Variants in EDARADD observed in about 807,000 individuals in gnomAD.
EDARADD encodes the protein ectodysplasin-A receptor-associated adapter protein.
A neutral mutation model predicts 25.6 loss-of-function variants in EDARADD; 20 were observed. That is an observed-to-expected ratio of 0.78 (90% confidence interval 0.55 to 1.14). EDARADD has a LOEUF of 1.14. Among genes scored for constraint, EDARADD ranks in the 50% most tolerant of loss-of-function variants. The pLI, the probability that EDARADD is intolerant of heterozygous loss-of-function variation, is 0.00. For synonymous variants in EDARADD, 86 were observed against 94.4 expected (o/e 0.91, Z 0.52); for missense variants, 225 against 270.1 (o/e 0.83, Z 1.17).
intron 5 of EDARADD, 139 bp from the exon 6 acceptor site, chr1:236,482,128 A>G (rs890788718): frequency 1.3e-4 from 143 of 1,078,958 alleles, no homozygotes; most frequent in African/African-American, 1.8e-4. Flanking sequence ...AAAAAAAAAA[A>G]AAAGAAAGAA....
intron 3 of EDARADD, among the ~76,000 whole-genome samples, chr1:236,378,966 T>TG (rs1281365643): frequency 6.6e-6 from 1 of 151,966 alleles, no homozygotes; most frequent in Non-Finnish European, 1.5e-5. Context: ...GGAGAGGGGA[T>TG]GAGGAGAGAG....
intron 4 of EDARADD, among the ~76,000 whole-genome samples, chr1:236,431,145 G>A (rs1658084195): frequency 6.6e-6 from 1 of 152,098 alleles, no homozygotes; most frequent in South Asian, 2.1e-4. Context: ...TAAAATAAAA[G>A]CAAGCTGGAA....
intron 4 of EDARADD, among the ~76,000 whole-genome samples, chr1:236,461,165 AT>A (rs768312238): frequency 2.2e-4 from 34 of 152,128 alleles, no homozygotes; most frequent in Non-Finnish European, 4.1e-4. Flanking sequence ...TGTGAATCCT[AT>A]TACCATCACA....
rs537589139 is a variant in EDARADD, at chr1:236,397,791, C to T, written c.61+3286C>T. 2.0e-5 allele frequency among the ~76,000 whole-genome samples: 3 copies of T among 152,286 alleles called. No individual in the cohort carries two copies. The South Asian group carries it at 6.2e-4, about 32-fold the overall frequency. ...GATGATCCAAATGTCCATTCCCGCT[C>T]TGGGACTCTATTCTGTCTATAAAAT... On this transcript the variant is annotated intron_variant, in intron 1 of 5. Coordinates refer to ENST00000334232, the MANE Select transcript of EDARADD (RefSeq NM_145861.4).
At chr1:236,381,004 T>A (rs1226612352) in intron 3 of EDARADD, among the ~76,000 whole-genome samples, 1 of 152,206 alleles carries the variant, frequency 6.6e-6, no homozygotes, top group Non-Finnish European at 1.5e-5. Flanking sequence ...ACTATCATCA[T>A]GAGCAAAAGA....
intron 3 of EDARADD, among the ~76,000 whole-genome samples, chr1:236,365,090 G>A (rs1353355505): frequency 1.3e-5 from 2 of 152,006 alleles, no homozygotes; most frequent in African/African-American, 2.4e-5. Flanking sequence ...AGGAATTGGT[G>A]TTGGATTTGG....
intron 1 of EDARADD, 125 bp from the exon 2 acceptor site, chr1:236,409,087 AGGAG>A: frequency 2.2e-6 from 1 of 456,906 alleles, no homozygotes; most frequent in South Asian, 4.5e-5. Context: ...AAAAAAAAAA[AGGAG>A]TAAGGTTTTC....
At chr1:236,445,428 A>G (rs879916882) in intron 4 of EDARADD, among the ~76,000 whole-genome samples, 1 of 152,036 alleles carries the variant, frequency 6.6e-6, no homozygotes, top group Non-Finnish European at 1.5e-5. Flanking sequence ...GGGTTTCACT[A>G]TGTTGACCAG....
chr1:236,401,197 A>T (rs1422187604), intron 1 of EDARADD, among the ~76,000 whole-genome samples: 3 of 152,114 alleles, frequency 2.0e-5, no homozygotes, highest in African/African-American at 7.2e-5. Context: ...TAAAAAAAAA[A>T]AAGCTATGGT....
At position 236,385,089 on chromosome 1, in the gene EDARADD, C is replaced by CTTTTTTT. The variant is rs34509027; in HGVS notation, c.-5-24116_-5-24110dup. On this transcript the variant is annotated intron_variant, in intron 3 of 7. Coordinates refer to the EDARADD transcript ENST00000439430. ...GATTTTTATTCTATGCCTTTTGATT[C>CTTTTTTT]TTTTTTTTTTTTTTTTTGCCTTAAG... Among the ~76,000 whole-genome samples the CTTTTTTT allele has an allele frequency of 1.0e-2, 1,213 of 121,854 alleles. 56 individuals are homozygous for CTTTTTTT. Among genetic ancestry groups the CTTTTTTT allele is most frequent in the African/African-American group, 0.038 (1,129 of 29,664 alleles). 79.9% of individuals were successfully genotyped at this position (121,854 alleles called of 152,430 possible).
At chr1:236,409,426 A>G in intron 2 of EDARADD, 152 bp downstream of exon 2, 1 of 618,470 alleles carries the variant, frequency 1.6e-6, no homozygotes, top group Non-Finnish European at 2.9e-6. Context: ...TTGGTATTCT[A>G]CGTGATAATA....
chr1:236,353,778 G>A (rs1415552486), intron 3 of EDARADD, among the ~76,000 whole-genome samples: 2 of 151,286 alleles, frequency 1.3e-5, no homozygotes, highest in African/African-American at 4.9e-5. Flanking sequence ...GTTGTTAAAT[G>A]AGGTGGCATC....
intron 5 of EDARADD, among the ~76,000 whole-genome samples, chr1:236,480,265 A>C (rs1200570198): frequency 6.6e-6 from 1 of 151,804 alleles, no homozygotes; most frequent in African/African-American, 2.4e-5. Flanking sequence ...CTTCATAGTT[A>C]CTTAAATAAT....
At chr1:236,362,669 T>C (rs1667063476) in intron 3 of EDARADD, among the ~76,000 whole-genome samples, 1 of 152,128 alleles carries the variant, frequency 6.6e-6, no homozygotes, top group East Asian at 1.9e-4. Flanking sequence ...TCTAGAAGTT[T>C]TATAGTTTTA....
At chr1:236,392,348 G>T (rs1479623609), upstream of EDARADD, among the ~76,000 whole-genome samples, 2 of 152,080 alleles carry the variant, frequency 1.3e-5, no homozygotes, top group Non-Finnish European at 2.9e-5. Context: ...TTGCTTGCCT[G>T]GAGACAGGGT....
intron 4 of EDARADD, among the ~76,000 whole-genome samples, chr1:236,455,894 A>G (rs1205315469): frequency 1.3e-5 from 2 of 152,062 alleles, no homozygotes; most frequent in Non-Finnish European, 2.9e-5. Context: ...GGTTCACGCC[A>G]TTCTCCTGCC....
Position 236,471,472 on chromosome 1 carries a change from G to GA in EDARADD, c.265+3208dup, listed in dbSNP as rs11303149. Among the ~76,000 whole-genome samples the GA allele has an allele frequency of 5.1e-3, 710 of 139,624 alleles. 2 individuals are homozygous for GA. The highest frequency in any genetic ancestry group is 9.0e-3 in the Admixed American group (124 of 13,790). The allele number at this position is 139,624 out of a possible 152,430, so 91.6% of individuals were successfully genotyped here. On this transcript the variant is annotated intron_variant, in intron 5 of 5. Transcript: ENST00000334232. ...CCAACCACACTGGAAACCACACACA[G>GA]AAAAAAAAAAAAGCATGATTATACC...
chr1:236,452,023 A>G (rs1179257817), intron 4 of EDARADD, among the ~76,000 whole-genome samples: 1 of 152,208 alleles, frequency 6.6e-6, no homozygotes, highest in African/African-American at 2.4e-5. Context: ...CCACTGTGCC[A>G]TCATCCAGGG....
At chr1:236,444,050 G>A (rs376862687) in intron 4 of EDARADD, among the ~76,000 whole-genome samples, 1 of 152,150 alleles carries the variant, frequency 6.6e-6, no homozygotes, top group East Asian at 1.9e-4. Context: ...CCCTCCATCA[G>A]CAGAAAGACT....
Sources: allele counts gnomAD v4.1 joint callset (sites outside exome capture counted in the v4.1 genomes callset), GRCh38; gene constraint gnomAD v4.1.1; transcripts MANE v1.5; gene names NCBI Gene and HGNC (gene_info 2026-07-23, HGNC 2026-07-21).